Variants in SLC2A9 observed in about 807,000 individuals in gnomAD.
SLC2A9 encodes solute carrier family 2 member 9, also known as solute carrier family 2, facilitated glucose transporter member 9.
Under a neutral mutation model 50.6 loss-of-function variants are expected in SLC2A9, and 39 were observed. That is an observed-to-expected ratio of 0.77 (90% CI 0.60 to 1.01). The LOEUF is 1.01. SLC2A9 is among the 50% of genes least tolerant of loss of function. The pLI, the probability that SLC2A9 is intolerant of heterozygous loss-of-function variation, is 0.00. For missense variants in SLC2A9, 686 were observed against 677.6 expected (o/e 1.01, Z -0.14); for synonymous variants, 324 against 276.9 (o/e 1.17, Z -1.69).
intron 6 of SLC2A9, among the ~76,000 whole-genome samples, 177 bp downstream of exon 6, chr4:9,941,736 C>A (rs1452125130): frequency 2.0e-5 from 3 of 152,188 alleles, no homozygotes; most frequent in African/African-American, 7.2e-5. Context: ...CTCTGTCCCC[C>A]AGCAAGGCTG....
intron 3 of SLC2A9, chr4:9,782,885 G>T (rs199842757): frequency 6.2e-7 from 1 of 1,613,972 alleles, no homozygotes; most frequent in Non-Finnish European, 8.5e-7. Context: ...CAGCCTGCGC[G>T]CTTCCATCAA....
At chr4:9,789,187 C>T (rs868570528) in intron 3 of SLC2A9, among the ~76,000 whole-genome samples, 2 of 152,120 alleles carry the variant, frequency 1.3e-5, no homozygotes, top group South Asian at 2.1e-4. Flanking sequence ...CTCTAATGTT[C>T]TAGTTCATGA....
At chr4:9,896,379 T>C (rs56239136) in intron 8 of SLC2A9, among the ~76,000 whole-genome samples, 29,175 of 152,188 alleles carry the variant, frequency 0.19, 3,230 homozygotes, top group Non-Finnish European at 0.25. Context: ...TCTTTTCATG[T>C]GATTTTTGAT....
chr4:9,844,045 T>C lies in SLC2A9; in HGVS notation c.1292-9037A>G, dbSNP rs141664687. On this transcript the variant is annotated intron_variant, in intron 10 of 11. Coordinates refer to ENST00000264784, the MANE Select transcript of SLC2A9 (RefSeq NM_020041.3). ...AATCCTATGATACTGCCTAGGACTCTAGGTAAAATAAAAACTCTTATTTTA... is the reference window on the plus strand; with the variant it reads ...AATCCTATGATACTGCCTAGGACTCCAGGTAAAATAAAAACTCTTATTTTA... Among the ~76,000 whole-genome samples, 390 of 151,424 alleles carry C rather than the reference T, an allele frequency of 2.6e-3. 1 individual carries two copies. The highest frequency in any genetic ancestry group is 8.9e-3 in the African/African-American group (369 of 41,242).
intron 6 of SLC2A9, among the ~76,000 whole-genome samples, chr4:9,921,142 C>G (rs769301216): frequency 6.6e-6 from 1 of 152,148 alleles, no homozygotes; most frequent in Non-Finnish European, 1.5e-5. Context: ...TTGAGCTTAA[C>G]GACTGCAAGG....
At chr4:9,931,258 C>T (rs114756544) in intron 6 of SLC2A9, among the ~76,000 whole-genome samples, 4,088 of 152,262 alleles carry the variant, frequency 0.027, 91 homozygotes, top group Non-Finnish European at 0.041. Context: ...GTGGCTCATA[C>T]CTCATGCATA....
intron 2 of SLC2A9, among the ~76,000 whole-genome samples, chr4:10,016,609 G>A (rs2109500616): frequency 6.6e-6 from 1 of 152,152 alleles, no homozygotes; most frequent in Non-Finnish European, 1.5e-5. Context: ...AACTCTCTCT[G>A]TTTGGCTTAC....
chr4:9,783,176 C>A, intron 3 of SLC2A9: 3 of 1,614,228 alleles, frequency 1.9e-6, no homozygotes, highest in Non-Finnish European at 2.5e-6. Flanking sequence ...CTCCCGCACG[C>A]CGGTGGAGAC....
Position 9,826,599 on chromosome 4 carries a change from T to A in SLC2A9, c.1421A>T (p.Lys474Ile). 1 of 1,613,944 alleles carries A rather than the reference T, an allele frequency of 6.2e-7. No individual in the cohort carries two copies. Among genetic ancestry groups the A allele is most frequent in the Non-Finnish European group, 8.5e-7 (1 of 1,179,878 alleles). ...AVGLLFPFIQ[K>I]SLDTYCFLVF... is the part of the protein sequence containing the mutation. ...TAGGAAACAGTAGGTGTCCAGACTT[T>A]TCTGTGGAAAGGCAGAGACAAAAAC... Residue 474 changes from lysine (K) to isoleucine (I), a missense_variant and splice_region_variant, in exon 12 of 12, where the codon AAA becomes ATA. By Grantham distance (102) the Lys-to-Ile change is moderately radical (BLOSUM62 -3). Coordinates refer to ENST00000264784, the MANE Select transcript of SLC2A9 (RefSeq NM_020041.3).
At chr4:9,789,366 CTG>C (rs1719620128) in intron 3 of SLC2A9, among the ~76,000 whole-genome samples, 1 of 152,208 alleles carries the variant, frequency 6.6e-6, no homozygotes, top group African/African-American at 2.4e-5. Context: ...CTTCTTGTGA[CTG>C]TGTCCTTAAG....
At chr4:9,974,446 G>T (rs1282420422) in intron 5 of SLC2A9, among the ~76,000 whole-genome samples, 1 of 151,538 alleles carries the variant, frequency 6.6e-6, no homozygotes, top group Admixed American at 6.6e-5. Context: ...ACAAAAATCA[G>T]TAGTATTTCT....
chr4:9,794,420 T>G (rs1720342127), downstream of SLC2A9, among the ~76,000 whole-genome samples: 1 of 152,192 alleles, frequency 6.6e-6, no homozygotes, highest in Non-Finnish European at 1.5e-5. Flanking sequence ...CCTCAAGTGC[T>G]GGGATTACAG....
intron 5 of SLC2A9, among the ~76,000 whole-genome samples, chr4:9,970,390 T>C (rs1753709877): frequency 6.6e-6 from 1 of 152,150 alleles, no homozygotes; most frequent in Non-Finnish European, 1.5e-5. Context: ...TGAGTGGGGA[T>C]GAGCTCCCTT....
chr4:9,850,548 C>A (rs919345367), intron 10 of SLC2A9, among the ~76,000 whole-genome samples: 3 of 152,140 alleles, frequency 2.0e-5, no homozygotes, highest in Non-Finnish European at 4.4e-5. Context: ...AGATGCCCAA[C>A]CAGGGTGCTT....
intron 2 of SLC2A9, among the ~76,000 whole-genome samples, chr4:10,005,844 T>A: frequency 6.6e-6 from 1 of 152,190 alleles, no homozygotes; most frequent in South Asian, 2.1e-4. Flanking sequence ...TTGGCTTTTT[T>A]CCACTCTCAG....
intron 11 of SLC2A9, among the ~76,000 whole-genome samples, chr4:9,827,082 CTAAT>C (rs1725269310): frequency 6.6e-6 from 1 of 152,282 alleles, no homozygotes; most frequent in South Asian, 2.1e-4. Flanking sequence ...ATCTAACTCA[CTAAT>C]TGATACTCTG....
chr4:9,782,116 C>T (rs1332954402), intron 3 of SLC2A9: 2 of 1,548,188 alleles, frequency 1.3e-6, no homozygotes, highest in Admixed American at 1.9e-5. Context: ...CCGTGGGGGG[C>T]TCGGCGGGGG....
chr4:9,908,193 AC>A (rs754464408), intron 8 of SLC2A9, 41 bp downstream of exon 8: 1 of 1,325,594 alleles, frequency 7.5e-7, no homozygotes, highest in South Asian at 1.2e-5. Context: ...GTGCTGTGTA[AC>A]CCCCTGTGGC....
chr4:9,786,270 A>T (rs1244755597), intron 3 of SLC2A9, among the ~76,000 whole-genome samples: 1 of 152,182 alleles, frequency 6.6e-6, no homozygotes, highest in East Asian at 1.9e-4. Context: ...AAATGAAGGC[A>T]TTGGCAGGCT....
Sources: gnomAD v4.1 joint callset for allele counts (sites outside exome capture counted in the v4.1 genomes callset) on GRCh38, gnomAD v4.1.1 for gene constraint, MANE v1.5 for transcripts, NCBI Gene and HGNC (gene_info 2026-07-23, HGNC 2026-07-21) for gene names.